The following LTBP1 variants were observed in gnomAD, a reference collection of about 807,000 sequenced individuals.
LTBP1 encodes latent-transforming growth factor beta-binding protein 1.
LTBP1 carries 129 observed loss-of-function variants against 207.6 expected under a neutral mutation model. That is an observed-to-expected ratio of 0.62 (90% CI 0.54 to 0.72). The LOEUF (loss-of-function observed/expected upper bound fraction) is 0.72, where lower values mean the gene tolerates loss of function less well. Ranked by LOEUF, LTBP1 falls within the 30% of genes least tolerant of loss-of-function variation. The pLI, the probability that LTBP1 is intolerant of heterozygous loss-of-function variation, is 0.00. For synonymous variants in LTBP1, 963 were observed against 833.7 expected, an observed-to-expected ratio of 1.16 and a Z score of -2.67; for missense variants, 2,281 against 2,217.2, an observed-to-expected ratio of 1.03 and a Z score of -0.58.
intron 23 of LTBP1, among the ~76,000 whole-genome samples, chr2:33,312,885 C>G (rs1192443721): frequency 6.6e-6 from 1 of 152,174 alleles, no homozygotes; most frequent in African/African-American, 2.4e-5. Context: ...GCTATTAGGG[C>G]TTAATAAGAT....
intron 25 of LTBP1, among the ~76,000 whole-genome samples, chr2:33,343,340 G>A (rs1453344184): frequency 6.7e-6 from 1 of 149,112 alleles, no homozygotes; most frequent in Non-Finnish European, 1.5e-5. Flanking sequence ...GTGCCCAGGA[G>A]TTTGAGGCTG....
intron 3 of LTBP1, among the ~76,000 whole-genome samples, chr2:33,086,252 C>A (rs2078748512): frequency 6.6e-6 from 1 of 152,122 alleles, no homozygotes. Flanking sequence ...AATGGAGGTA[C>A]CAGGTAAGTT....
intron 13 of LTBP1, among the ~76,000 whole-genome samples, chr2:33,262,264 A>G (rs1015628956): frequency 2.0e-5 from 3 of 152,206 alleles, no homozygotes; most frequent in African/African-American, 4.8e-5. Flanking sequence ...TTAACTTACC[A>G]TGTGTTCTTT....
At chr2:33,334,295 G>A (rs1383279389) in intron 24 of LTBP1, among the ~76,000 whole-genome samples, 1 of 152,248 alleles carries the variant, frequency 6.6e-6, no homozygotes, top group African/African-American at 2.4e-5. Context: ...AGCGCAGACA[G>A]CACGTGGCAA....
chr2:33,140,085 T>A (rs2082514945), intron 5 of LTBP1, among the ~76,000 whole-genome samples: 1 of 152,214 alleles, frequency 6.6e-6, no homozygotes, highest in African/African-American at 2.4e-5. Flanking sequence ...TGGCATCCTG[T>A]AGCTGTTCTG....
intron 3 of LTBP1, among the ~76,000 whole-genome samples, chr2:33,098,441 G>GATT (rs2079517632): frequency 6.6e-6 from 1 of 151,846 alleles, no homozygotes; most frequent in Non-Finnish European, 1.5e-5. Context: ...ATATATAAAT[G>GATT]ATTTTTTTCT....
chr2:33,289,844 A>T (rs1023203311), intron 19 of LTBP1, among the ~76,000 whole-genome samples: 4 of 152,208 alleles, frequency 2.6e-5, no homozygotes, highest in Non-Finnish European at 4.4e-5. Flanking sequence ...CCAGAGGCAT[A>T]ATCATCTCCC....
chr2:33,291,073 C>T (rs1388775962), intron 19 of LTBP1, among the ~76,000 whole-genome samples: 1 of 152,184 alleles, frequency 6.6e-6, no homozygotes, highest in African/African-American at 2.4e-5. Flanking sequence ...TCAGTTCAAA[C>T]TGTTCTATCT....
At chr2:33,324,794 T>C (rs1174902017) in intron 24 of LTBP1, among the ~76,000 whole-genome samples, 1 of 150,154 alleles carries the variant, frequency 6.7e-6, no homozygotes, top group Non-Finnish European at 1.5e-5. Context: ...CTCCGCTTCC[T>C]GGGTTCAAGT....
chr2:33,276,858 C>T (rs954878369), intron 18 of LTBP1, among the ~76,000 whole-genome samples: 7 of 151,956 alleles, frequency 4.6e-5, no homozygotes, highest in African/African-American at 1.7e-4. Context: ...CTCCAAAAAA[C>T]AAAGCAAAAC....
intron 2 of LTBP1, among the ~76,000 whole-genome samples, chr2:32,994,753 C>T (rs1684993590): frequency 6.6e-6 from 1 of 152,194 alleles, no homozygotes; most frequent in African/African-American, 2.4e-5. Context: ...AGGCGTGAGC[C>T]ACCGCGCCTG....
At chr2:33,331,083 ATATG>A (rs1285701946) in intron 24 of LTBP1, among the ~76,000 whole-genome samples, 1 of 151,712 alleles carries the variant, frequency 6.6e-6, no homozygotes, top group African/African-American at 2.4e-5. Context: ...TTCTCTGTAT[ATATG>A]TAGTGATCTT....
intron 4 of LTBP1, among the ~76,000 whole-genome samples, chr2:33,117,875 C>T (rs2080849669): frequency 6.6e-6 from 1 of 152,030 alleles, no homozygotes; most frequent in African/African-American, 2.4e-5. Context: ...AGAGGAGGAG[C>T]CATTTGAAAA....
intron 3 of LTBP1, among the ~76,000 whole-genome samples, chr2:33,053,287 C>T (rs2076834628): frequency 6.6e-6 from 1 of 152,198 alleles, no homozygotes; most frequent in Non-Finnish European, 1.5e-5. Flanking sequence ...ATAGGCATAG[C>T]TTCTCCCATT....
At position 33,354,649 on chromosome 2, in the gene LTBP1, CTGACA is replaced by C. The variant is rs200461749; in HGVS notation, c.4001-5946_4001-5942del. ...AAAGAGATATCAGTGTTTTAATGAA[CTGACA>C]TATCAATCAAAGTGACAAACTAAAA... On this transcript the variant is annotated intron_variant, in intron 26 of 33. Coordinates refer to ENST00000404816, the MANE Select transcript of LTBP1 (RefSeq NM_206943.4). 7.4e-3 allele frequency among the ~76,000 whole-genome samples: 1,121 copies of C among 150,978 alleles called. 8 individuals carry two copies. The highest frequency in any genetic ancestry group is 0.037 in the Middle Eastern group (11 of 294).
intron 3 of LTBP1, among the ~76,000 whole-genome samples, chr2:33,046,161 G>A (rs951745276): frequency 6.6e-6 from 1 of 152,174 alleles, no homozygotes; most frequent in African/African-American, 2.4e-5. Context: ...TTGAATAGGA[G>A]TGATGAGAGA....
rs577834016 is a variant in LTBP1, at chr2:33,200,524, T to A, written c.1701+11673T>A. On this transcript the variant is annotated intron_variant, in intron 7 of 33. Transcript: ENST00000404816. ...GTTAGACCTAAAACCATAAAAACCC[T>A]AGAAGAAAACCTAGGCATTACCATT... is the stretch of plus-strand genomic sequence containing the variant. 8.9e-4 allele frequency among the ~76,000 whole-genome samples: 136 copies of A among 152,316 alleles called. 1 individual carries two copies. Among genetic ancestry groups the A allele is most frequent in the African/African-American group, 3.2e-3 (132 of 41,580 alleles).
At position 33,360,722 on chromosome 2, in the gene LTBP1, T is replaced by G; in HGVS notation, c.4126T>G (p.Ser1376Ala). The change falls in exon 27 of 34, where the codon TCA becomes GCA. Residue 1376 changes from serine to alanine, a missense_variant. By Grantham distance (99) the Ser-to-Ala change is moderately conservative. Coordinates refer to ENST00000404816, the MANE Select transcript of LTBP1 (RefSeq NM_206943.4). ...CACGAAACAAGAATGCTGCTGTACA[T>G]CAGGCGTGGGATGGGGAGATAACTG... ...NVTKQECCCT[S>A]GVGWGDNCEI... 1 of 1,614,034 alleles carries G rather than the reference T, an allele frequency of 6.2e-7. No individual in the cohort carries two copies. The highest frequency in any genetic ancestry group is 8.5e-7 in the Non-Finnish European group (1 of 1,179,872).
At chr2:33,325,446 C>T (rs912923443) in intron 24 of LTBP1, among the ~76,000 whole-genome samples, 2 of 152,184 alleles carry the variant, frequency 1.3e-5, no homozygotes, top group Non-Finnish European at 2.9e-5. Flanking sequence ...CCAGTCCTCA[C>T]TGGCAGCACC....
Sources: gnomAD v4.1 joint callset for allele counts (sites outside exome capture counted in the v4.1 genomes callset) on GRCh38, gnomAD v4.1.1 for gene constraint, MANE v1.5 for transcripts, NCBI Gene and HGNC (gene_info 2026-07-23, HGNC 2026-07-21) for gene names.